The following ZNF273 variants were observed in gnomAD, a reference collection of about 807,000 sequenced individuals.
The protein encoded by ZNF273 is zinc finger protein 9.
In ZNF273, 11 loss-of-function variants were observed where a neutral mutation model predicts 14.9. The observed-to-expected ratio is 0.74, with a 90% confidence interval of 0.46 to 1.22. The LOEUF (loss-of-function observed/expected upper bound fraction) is 1.22, where lower values mean the gene tolerates loss of function less well. ZNF273 is among the 50% of genes most tolerant of loss of function. ZNF273 has a pLI of 0.00. For synonymous variants in ZNF273, 199 were observed against 223.9 expected (o/e 0.89, Z 0.99); for missense variants, 577 against 660.6 (o/e 0.87, Z 1.39).
intron 1 of ZNF273, among the ~76,000 whole-genome samples, chr7:64,916,710 C>T (rs941444359): frequency 2.2e-5 from 3 of 135,756 alleles, no homozygotes; most frequent in Non-Finnish European, 4.9e-5. Flanking sequence ...TTCTGTGTGC[C>T]TCAGCGCATC....
intron 3 of ZNF273, among the ~76,000 whole-genome samples, chr7:64,920,115 G>C (rs933891368): frequency 6.6e-6 from 1 of 152,162 alleles, no homozygotes. Context: ...CTCTGGGTTT[G>C]TAGTGGAGAG....
intron 3 of ZNF273, among the ~76,000 whole-genome samples, chr7:64,922,480 T>G (rs556784957): frequency 1.8e-3 from 276 of 151,802 alleles, no homozygotes; most frequent in Admixed American, 4.7e-3. Context: ...AGCGACTAAT[T>G]TTTGCATTTT....
chr7:64,935,869 A>G (rs1194338427), downstream of ZNF273, among the ~76,000 whole-genome samples: 1 of 152,216 alleles, frequency 6.6e-6, no homozygotes, highest in Non-Finnish European at 1.5e-5. Context: ...CAGTTAAAAC[A>G]TTTGAAATGG....
downstream of ZNF273, among the ~76,000 whole-genome samples, chr7:64,884,222 C>A (rs567637537): frequency 2.0e-5 from 3 of 152,242 alleles, no homozygotes; most frequent in Admixed American, 2.0e-4. Flanking sequence ...TGGCTGCACT[C>A]CAGGTTGTGG....
At chr7:64,889,706 C>T, downstream of ZNF273, 1 of 985,970 alleles carries the variant, frequency 1.0e-6, no homozygotes, top group Non-Finnish European at 1.2e-6. This position sits in a 1 kb window ranked among gnomAD's most constrained non-coding sequence, Gnocchi z 4.2. Context: ...GCTCGGGATG[C>T]GGTTTGGGAG....
At chr7:64,914,156 C>T (rs181567294) in intron 1 of ZNF273, among the ~76,000 whole-genome samples, 354 of 145,336 alleles carry the variant, frequency 2.4e-3, no homozygotes, top group Admixed American at 4.6e-3. Context: ...TACAGGCATG[C>T]ACCACTACGT....
At chr7:64,931,023 G>A (rs1476960128), downstream of ZNF273, 2 of 151,900 alleles carry the variant, frequency 1.3e-5, no homozygotes, top group African/African-American at 4.8e-5. Context: ...CTAACATGTG[G>A]CCTCTTTGCC....
chr7:64,888,449 G>A, intron 1 of ZNF273: 1 of 985,852 alleles, frequency 1.0e-6, no homozygotes, highest in Non-Finnish European at 1.2e-6. Flanking sequence ...GGCTCTCAAG[G>A]AAGGGAGCTT....
downstream of ZNF273, chr7:64,889,845 G>A (rs957592196): frequency 4.7e-6 from 4 of 850,870 alleles, no homozygotes; most frequent in African/African-American, 3.7e-5. This position sits in a 1 kb window ranked among gnomAD's most constrained non-coding sequence, Gnocchi z 4.2. Flanking sequence ...AGTTGCCTCA[G>A]TGTTTGTCGC....
At position 64,927,753 on chromosome 7, in the gene ZNF273, A is replaced by G. The variant is rs773121533; in HGVS notation, c.425A>G (p.Glu142Gly). The part of the protein sequence containing the change: ...ILRRYGKYGH[E>G]NLQLRKGCKS... ...AGAAGATATGGAAAATATGGACATG[A>G]GAATTTACAATTAAGAAAAGGCTGT... Residue 142 changes from glutamate (E) to glycine (G), a missense_variant, in exon 4 of 4, where the codon GAG becomes GGG. Glu to Gly is a moderately conservative substitution (Grantham distance 98). This residue lies in a region of ZNF273 where 162 missense variants were observed against 203.5 expected (regional missense o/e 0.80). Transcript: ENST00000476120. The G allele has an allele frequency of 4.3e-6, 7 of 1,613,550 alleles. No individual in the cohort carries two copies. Among genetic ancestry groups the G allele is most frequent in the Non-Finnish European group, 5.9e-6 (7 of 1,179,910 alleles).
chr7:64,903,775 T>C (rs10232081), intron 1 of ZNF273, among the ~76,000 whole-genome samples: 4,965 of 152,296 alleles, frequency 0.033, 272 homozygotes, highest in African/African-American at 0.11. Flanking sequence ...TCCTTTTTTC[T>C]ATTAAAAATG....
chr7:64,900,012 G>A (rs1240984320), upstream of ZNF273, among the ~76,000 whole-genome samples: 1 of 151,970 alleles, frequency 6.6e-6, no homozygotes, highest in Non-Finnish European at 1.5e-5. Flanking sequence ...CGCCTGCCTC[G>A]GCCTCCCAAA....
chr7:64,931,197 A>T (rs1298260137), downstream of ZNF273, among the ~76,000 whole-genome samples: 1 of 152,168 alleles, frequency 6.6e-6, no homozygotes, highest in Non-Finnish European at 1.5e-5. Context: ...GAACAAAACA[A>T]ATCATTTTAA....
intron 1 of ZNF273, chr7:64,888,265 T>G: frequency 3.0e-6 from 3 of 983,612 alleles, no homozygotes; most frequent in Non-Finnish European, 3.6e-6. Context: ...TCGTCAGATG[T>G]CCCTGTCTCT....
intron 1 of ZNF273, among the ~76,000 whole-genome samples, chr7:64,908,430 T>G (rs1339425876): frequency 6.6e-6 from 1 of 152,208 alleles, no homozygotes; most frequent in Non-Finnish European, 1.5e-5. Context: ...GCCTCTGTGT[T>G]TGTTGTTCCC....
chr7:64,919,705 T>C (rs1393167648), intron 3 of ZNF273, among the ~76,000 whole-genome samples: 1 of 152,198 alleles, frequency 6.6e-6, no homozygotes, highest in Admixed American at 6.5e-5. Context: ...ATAAGATTGT[T>C]TTCTTCCTCT....
chr7:64,909,380 A>AT (rs1793333510), intron 1 of ZNF273, among the ~76,000 whole-genome samples: 1 of 151,860 alleles, frequency 6.6e-6, no homozygotes, highest in African/African-American at 2.4e-5. Context: ...ATGCACCACC[A>AT]TGCCTGGCTA....
chr7:64,879,837 C>T (rs941722235), downstream of ZNF273: 1 of 152,252 alleles, frequency 6.6e-6, no homozygotes, highest in East Asian at 1.9e-4. Flanking sequence ...AGCCTGTCCT[C>T]CTCCAGCGGG....
rs140478286 is a variant in ZNF273, at chr7:64,924,536, C to A, written c.326-3118C>A. ...ACATACACACACACACACACACACG[C>A]GCGCGCGCAAATTTGTCATAGTTTC... On this transcript the variant is annotated intron_variant, in intron 3 of 3. Transcript: ENST00000476120. 4.6e-5 allele frequency: 7 copies of A among 152,036 alleles called. No individual in the cohort carries two copies. In the South Asian group the frequency reaches 1.5e-3, roughly 32 times the overall value. 9.4% of individuals were successfully genotyped at this position (152,036 alleles called of 1,614,324 possible).
Sources: allele counts gnomAD v4.1 joint callset (sites outside exome capture counted in the v4.1 genomes callset), GRCh38; gene constraint gnomAD v4.1.1; regional missense constraint gnomAD v4.1.1; non-coding constraint Gnocchi (gnomAD v3.1); transcripts MANE v1.5; gene names NCBI Gene and HGNC (gene_info 2026-07-23, HGNC 2026-07-21).